Variants in MAGI1 observed in about 807,000 individuals in gnomAD.
MAGI1 encodes the protein membrane-associated guanylate kinase, WW and PDZ domain-containing protein 1.
Under a neutral mutation model 139.9 loss-of-function variants are expected in MAGI1, and 58 were observed. The observed-to-expected ratio is 0.41, with a 90% confidence interval of 0.34 to 0.52. MAGI1 has a LOEUF of 0.52. Ranked by LOEUF, MAGI1 falls within the 20% of genes least tolerant of loss-of-function variation. The probability of loss-of-function intolerance (pLI) is 0.12; values close to 1 mark genes in which losing one functional copy is unlikely to be tolerated. For missense variants in MAGI1, 1,874 were observed against 1,901.6 expected (o/e 0.99, Z 0.27); for synonymous variants, 812 against 737.9 (o/e 1.10, Z -1.63).
At chr3:65,653,415 C>T (rs1183919612) in intron 1 of MAGI1, among the ~76,000 whole-genome samples, 1 of 152,142 alleles carries the variant, frequency 6.6e-6, no homozygotes, top group East Asian at 1.9e-4. Flanking sequence ...CTTTCATGGG[C>T]TTTCCGATGT....
chr3:65,857,892 C>T (rs564728850), intron 1 of MAGI1, among the ~76,000 whole-genome samples: 1 of 152,176 alleles, frequency 6.6e-6, no homozygotes, highest in South Asian at 2.1e-4. Flanking sequence ...ACAAATGGGT[C>T]TAATCACACA....
chr3:65,457,303 C>T (rs1949464999), intron 5 of MAGI1, among the ~76,000 whole-genome samples: 1 of 152,224 alleles, frequency 6.6e-6, no homozygotes, highest in African/African-American at 2.4e-5. Flanking sequence ...ATCAAGATTG[C>T]TGTATATATC....
At chr3:65,394,057 T>C (rs754375171) in intron 13 of MAGI1, among the ~76,000 whole-genome samples, 10 of 152,168 alleles carry the variant, frequency 6.6e-5, no homozygotes, top group East Asian at 1.9e-4. Context: ...TGTACATGCA[T>C]GTGCAGAGAT....
intron 1 of MAGI1, among the ~76,000 whole-genome samples, chr3:65,686,847 G>C (rs2088086097): frequency 6.6e-6 from 1 of 152,154 alleles, no homozygotes; most frequent in African/African-American, 2.4e-5. Flanking sequence ...AAATTTAGAG[G>C]AAACTGCTAC....
At chr3:65,445,989 CAG>C (rs1575774795) in intron 7 of MAGI1, among the ~76,000 whole-genome samples, 1 of 152,134 alleles carries the variant, frequency 6.6e-6, no homozygotes, top group Admixed American at 6.5e-5. Flanking sequence ...CAACAGAAAA[CAG>C]TGTGTGTGCA....
intron 1 of MAGI1, among the ~76,000 whole-genome samples, chr3:65,841,466 G>A (rs1469085804): frequency 1.4e-5 from 2 of 145,078 alleles, no homozygotes; most frequent in African/African-American, 5.1e-5. Context: ...TTTTTTTTGA[G>A]ATGCAGGATG....
At chr3:65,422,455 G>T (rs1049089992) in intron 12 of MAGI1, among the ~76,000 whole-genome samples, 2 of 152,132 alleles carry the variant, frequency 1.3e-5, no homozygotes, top group East Asian at 1.9e-4. Flanking sequence ...CTGTGTGACT[G>T]GGGGGTGGTC....
At chr3:65,524,613 C>T (rs750021613) in intron 2 of MAGI1, among the ~76,000 whole-genome samples, 14 of 152,262 alleles carry the variant, frequency 9.2e-5, no homozygotes, top group African/African-American at 2.6e-4. Flanking sequence ...GCATCCCAGT[C>T]GACAAAGTGT....
In MAGI1 at chr3:65,608,669, T is replaced by C. The variant is rs140804751; in HGVS notation, c.430+13303A>G. Among the ~76,000 whole-genome samples the C allele has an allele frequency of 5.3e-4, 80 of 152,270 alleles. No homozygotes were observed. The Middle Eastern group carries it at 0.01, about 19-fold the overall frequency. On this transcript the variant is annotated intron_variant, in intron 2 of 22. Transcript: ENST00000402939. ...GGTGAGGATGAGAAGCAACTGGAAC[T>C]CTTACACGGTGTAGGTGTGAGTGCA... is the stretch of plus-strand genomic sequence containing the variant.
At chr3:65,503,298 G>A (rs2077157064) in intron 2 of MAGI1, among the ~76,000 whole-genome samples, 1 of 152,138 alleles carries the variant, frequency 6.6e-6, no homozygotes, top group African/African-American at 2.4e-5. Flanking sequence ...GGAATCAGGG[G>A]AAGTTGTTGA....
At chr3:65,841,690 T>G (rs1336728433) in intron 1 of MAGI1, among the ~76,000 whole-genome samples, 1 of 152,098 alleles carries the variant, frequency 6.6e-6, no homozygotes, top group Non-Finnish European at 1.5e-5. Flanking sequence ...CCTCCCAAAA[T>G]GCTGGGATTA....
In MAGI1 at chr3:65,356,600, C is replaced by T. The variant is rs201236076; in HGVS notation, c.4167G>A (p.Gly1389=). 20 of 1,593,676 alleles carry T rather than the reference C, an allele frequency of 1.3e-5. No individual in the cohort carries two copies. The Middle Eastern group carries it at 6.7e-4, about 54-fold the overall frequency. ...EQRRSPERRR[G]GSPERRAKST... ...ACTTGGCCCTGCGCTCGGGCGAGCC[C>T]CCTCTCCTGCGCTCGGGGGACCTCC... The change falls in exon 23 of 23, where the codon GGG becomes GGA. Residue 1389 remains glycine, a synonymous_variant. Transcript: ENST00000402939.
At chr3:65,980,111 T>C (rs1392448395) in intron 1 of MAGI1, among the ~76,000 whole-genome samples, 1 of 152,200 alleles carries the variant, frequency 6.6e-6, no homozygotes, top group African/African-American at 2.4e-5. Flanking sequence ...GTGGTGGCTT[T>C]AAGGTCCAGC....
intron 1 of MAGI1, among the ~76,000 whole-genome samples, chr3:65,776,783 G>C (rs2038473944): frequency 3.7e-5 from 1 of 26,964 alleles, no homozygotes; most frequent in Non-Finnish European, 9.6e-5. Flanking sequence ...AAAGACATTT[G>C]TGTGATTTGT....
intron 1 of MAGI1, among the ~76,000 whole-genome samples, chr3:66,019,231 T>C (rs919774782): frequency 6.6e-6 from 1 of 152,194 alleles, no homozygotes; most frequent in Non-Finnish European, 1.5e-5. Flanking sequence ...GGGAATTCTG[T>C]GAGAACTAGA....
intron 10 of MAGI1, among the ~76,000 whole-genome samples, chr3:65,434,933 A>G (rs1465720356): frequency 6.6e-6 from 1 of 152,172 alleles, no homozygotes; most frequent in East Asian, 1.9e-4. Context: ...GGAGGTGATT[A>G]TACCATGAGA....
intron 21 of MAGI1, among the ~76,000 whole-genome samples, chr3:65,362,700 A>G (rs545086745): frequency 2.0e-5 from 3 of 152,230 alleles, no homozygotes; most frequent in South Asian, 4.2e-4. Flanking sequence ...CTCAGGCCCA[A>G]CTGCATTCAC....
intron 1 of MAGI1, among the ~76,000 whole-genome samples, chr3:65,631,787 G>A (rs769230985): frequency 6.6e-6 from 1 of 152,130 alleles, no homozygotes; most frequent in Non-Finnish European, 1.5e-5. Context: ...GCTGAGGCAG[G>A]TGGATCACAT....
At chr3:65,404,351 A>C (rs1306494739) in intron 12 of MAGI1, among the ~76,000 whole-genome samples, 1 of 152,214 alleles carries the variant, frequency 6.6e-6, no homozygotes, top group East Asian at 1.9e-4. Context: ...TAGTCCATGG[A>C]ATATTCCAGA....
Sources: gnomAD v4.1 joint callset for allele counts (sites outside exome capture counted in the v4.1 genomes callset) on GRCh38, gnomAD v4.1.1 for gene constraint, MANE v1.5 for transcripts, NCBI Gene and HGNC (gene_info 2026-07-23, HGNC 2026-07-21) for gene names.